ITPRID1: variants seen among roughly 807,000 people sequenced by gnomAD.
The protein encoded by ITPRID1 is ITPR interacting domain containing 1.
ITPRID1 carries 96 observed loss-of-function variants against 95.4 expected under a neutral mutation model. The observed-to-expected ratio is 1.01, with a 90% CI of 0.85 to 1.19. ITPRID1 has a LOEUF of 1.19. Ranked by LOEUF, ITPRID1 falls within the 50% of genes most tolerant of loss-of-function variation. The pLI, the probability that ITPRID1 is intolerant of heterozygous loss-of-function variation, is 0.00. For synonymous variants in ITPRID1, 510 were observed against 453.6 expected (o/e 1.12, Z -1.58); for missense variants, 1,339 against 1,252.9 (o/e 1.07, Z -1.04).
chr7:31,603,763 G>A (rs1211075767), intron 10 of ITPRID1, among the ~76,000 whole-genome samples: 2 of 152,074 alleles, frequency 1.3e-5, no homozygotes, highest in African/African-American at 4.8e-5. Flanking sequence ...GTGTATGTTG[G>A]ATTGCTTAGT....
At chr7:31,547,171 A>C (rs1012654086) in intron 1 of ITPRID1, among the ~76,000 whole-genome samples, 2 of 152,202 alleles carry the variant, frequency 1.3e-5, no homozygotes, top group Non-Finnish European at 2.9e-5. Flanking sequence ...TGCAGATGAA[A>C]GCATTTTGCT....
At chr7:31,520,331 C>T (rs781480723) in intron 1 of ITPRID1, among the ~76,000 whole-genome samples, 5 of 152,164 alleles carry the variant, frequency 3.3e-5, no homozygotes, top group Non-Finnish European at 5.9e-5. Context: ...CGCTTTTCCT[C>T]TTTCCATACT....
chr7:31,548,179 A>T (rs149590185), intron 1 of ITPRID1, among the ~76,000 whole-genome samples: 1 of 152,246 alleles, frequency 6.6e-6, no homozygotes, highest in East Asian at 1.9e-4. Context: ...ATAGGAATCA[A>T]GCAGAGGGAA....
At chr7:31,650,969 A>G (rs1480232305) in intron 12 of ITPRID1, among the ~76,000 whole-genome samples, 173 bp from the exon 13 acceptor site, 11 of 152,082 alleles carry the variant, frequency 7.2e-5, no homozygotes, top group Non-Finnish European at 2.9e-5. Flanking sequence ...CACTGTCACT[A>G]GTTGTTTTGT....
Position 31,578,324 on chromosome 7 carries a change from G to C in ITPRID1, c.1060G>C (p.Glu354Gln). 6.2e-7 allele frequency: 1 copy of C among 1,613,902 alleles called. No individual in the cohort carries two copies. ...GCAGGCTCCTCCTTCCTGTGTGTCT[G>C]AGGGGTCAGTCAAGGGCAGAACTCA... ...AKQAPPSCVS[E>Q]GSVKGRTQKE... The change falls in exon 9 of 15, where the codon GAG (glutamate) becomes CAG (glutamine). Residue 354 changes from glutamate (E) to glutamine (Q), a missense_variant. Physicochemically the swap from Glu to Gln is conservative, Grantham distance 29. Transcript: ENST00000615280.
At chr7:31,613,109 G>A (rs1232413213) in intron 10 of ITPRID1, among the ~76,000 whole-genome samples, 1 of 152,106 alleles carries the variant, frequency 6.6e-6, no homozygotes, top group Non-Finnish European at 1.5e-5. Context: ...GGGACTTTTT[G>A]TTTGAGAGTC....
chr7:31,554,745 T>G, intron 4 of ITPRID1, 113 bp from the exon 5 acceptor site: 2 of 1,065,332 alleles, frequency 1.9e-6, no homozygotes, highest in Non-Finnish European at 2.8e-6. Context: ...CTAAAAGTCC[T>G]CTCTTACTAA....
intron 10 of ITPRID1, among the ~76,000 whole-genome samples, chr7:31,623,129 A>G (rs1389669981): frequency 1.3e-5 from 2 of 152,178 alleles, no homozygotes; most frequent in African/African-American, 4.8e-5. Context: ...ACCAACCAAA[A>G]AGAGTCCAGG....
intron 14 of ITPRID1, 58 bp downstream of exon 14, chr7:31,652,108 T>C (rs1204983159): frequency 1.4e-5 from 17 of 1,202,156 alleles, no homozygotes; most frequent in Non-Finnish European, 2.0e-5. Flanking sequence ...GAGAGGTGCA[T>C]TAAATGAGAA....
intron 10 of ITPRID1, among the ~76,000 whole-genome samples, chr7:31,606,747 T>C (rs1474112131): frequency 6.6e-6 from 1 of 152,168 alleles, no homozygotes; most frequent in African/African-American, 2.4e-5. Context: ...CATGGAGATG[T>C]TGAAAAAAAT....
chr7:31,626,011 A>C (rs190542857), intron 10 of ITPRID1, among the ~76,000 whole-genome samples: 121 of 152,328 alleles, frequency 7.9e-4, no homozygotes, highest in African/African-American at 2.8e-3. Context: ...AAAAAACTTT[A>C]TGACTAACTC....
chr7:31,527,118 C>A (rs1012473317), intron 1 of ITPRID1, among the ~76,000 whole-genome samples: 13 of 152,120 alleles, frequency 8.5e-5, no homozygotes, highest in Admixed American at 3.9e-4. Context: ...ACCTTTGCAC[C>A]TTTGCACATG....
intron 2 of ITPRID1, among the ~76,000 whole-genome samples, chr7:31,550,050 GT>G (rs1465007100): frequency 6.6e-6 from 1 of 152,122 alleles, no homozygotes; most frequent in Non-Finnish European, 1.5e-5. Context: ...TAGAATTAAT[GT>G]AACAGAGCCA....
chr7:31,528,470 G>T (rs1181866873), intron 1 of ITPRID1, among the ~76,000 whole-genome samples: 3 of 152,144 alleles, frequency 2.0e-5, no homozygotes, highest in African/African-American at 7.2e-5. Flanking sequence ...GGTCTTCTCA[G>T]GGCTGAGTAG....
chr7:31,582,445 C>T (rs1785437314), intron 9 of ITPRID1, among the ~76,000 whole-genome samples: 1 of 152,118 alleles, frequency 6.6e-6, no homozygotes, highest in South Asian at 2.1e-4. Flanking sequence ...GAGATGGGGT[C>T]TCACTATGTT....
chr7:31,534,321 A>G (rs1187661716), intron 1 of ITPRID1, among the ~76,000 whole-genome samples: 6 of 152,192 alleles, frequency 3.9e-5, no homozygotes, highest in Non-Finnish European at 8.8e-5. Flanking sequence ...CAAATCTTTC[A>G]TATTCTTTCT....
chr7:31,555,877 C>CT (rs1375368394), intron 5 of ITPRID1, among the ~76,000 whole-genome samples: 20 of 152,092 alleles, frequency 1.3e-4, no homozygotes, highest in African/African-American at 4.8e-4. Flanking sequence ...TGAAATTTCC[C>CT]TTTTCACCAA....
rs116971399 is a variant in ITPRID1 at position 31,558,551 on chromosome 7, A to G, written c.256+3650A>G. ...ACATAAAGTTGGTCAAAGGGTATAA[A>G]CTTGCAGTTATAAGATGACTAGGTT... On this transcript the variant is annotated intron_variant, in intron 5 of 14. Transcript: ENST00000615280. Among the ~76,000 whole-genome samples, 702 of 152,292 alleles carry G rather than the reference A, an allele frequency of 4.6e-3. 2 individuals are homozygous for G. The highest frequency in any genetic ancestry group is 0.01 in the Middle Eastern group (3 of 294).
chr7:31,603,566 C>T (rs1260663194), intron 10 of ITPRID1, among the ~76,000 whole-genome samples: 1 of 152,164 alleles, frequency 6.6e-6, no homozygotes, highest in East Asian at 1.9e-4. Flanking sequence ...AGATATAACA[C>T]ACTACACTTG....
Sources: allele counts gnomAD v4.1 joint callset (sites outside exome capture counted in the v4.1 genomes callset), GRCh38; gene constraint gnomAD v4.1.1; transcripts MANE v1.5; gene names NCBI Gene and HGNC (gene_info 2026-07-23, HGNC 2026-07-21).